The following ZNF69 variants were observed in gnomAD, a reference collection of about 807,000 sequenced individuals.
ZNF69 encodes ZNF3.
Under a neutral mutation model 50.9 loss-of-function variants are expected in ZNF69, and 47 were observed. The observed-to-expected ratio is 0.92, with a 90% CI of 0.73 to 1.18. The LOEUF (loss-of-function observed/expected upper bound fraction) is 1.18. ZNF69 is among the 50% of genes most tolerant of loss of function. The pLI is 0.00. For missense variants in ZNF69, 717 were observed against 675.1 expected, an observed-to-expected ratio of 1.06 and a Z score of -0.69; for synonymous variants, 216 against 223.1, an observed-to-expected ratio of 0.97 and a Z score of 0.29.
intron 1 of ZNF69, among the ~76,000 whole-genome samples, chr19:11,894,301 CT>C (rs1451690074): frequency 7.9e-5 from 12 of 152,154 alleles, no homozygotes. Flanking sequence ...TCCTGAGTAG[CT>C]GGGACTACAG....
At chr19:11,973,199 C>CTT in the ZNF69 span, among the ~76,000 whole-genome samples, 4 of 152,156 alleles carry the variant, frequency 2.6e-5, no homozygotes, top group African/African-American at 9.7e-5. Flanking sequence ...TCCCCTCCCT[C>CTT]TTTTGCCACC....
chr19:11,905,461 C>G lies in ZNF69; in HGVS notation c.1064C>G (p.Ser355Cys), dbSNP rs1972349164. ...TTTCAAACACACATAAGAATGCACT[C>G]TGGAGAAAGACCTTATGAATGTAAG... ...TSFQTHIRMH[S>C]GERPYECKIC... is the part of the protein sequence containing the mutation. The change falls in exon 4 of 4, where the codon TCT becomes TGT. Residue 355 changes from serine (S) to cysteine (C), a missense_variant. Ser to Cys is a moderately radical substitution (Grantham distance 112, BLOSUM62 -1). Transcript: ENST00000429654. The G allele has an allele frequency of 6.2e-7, 1 of 1,614,084 alleles. No individual in the cohort carries two copies. The highest frequency in any genetic ancestry group is 1.1e-5 in the South Asian group (1 of 91,090).
chr19:11,918,694 AT>A (rs1441638211), downstream of ZNF69, among the ~76,000 whole-genome samples: 1 of 152,006 alleles, frequency 6.6e-6, no homozygotes, highest in African/African-American at 2.4e-5. Context: ...GGCTCAATCA[AT>A]CCTCTTGCCT....
rs1195407417 is a variant in ZNF69, at chr19:11,887,914, C to T, written c.-10C>T. 1.2e-6 allele frequency: 2 copies of T among 1,610,742 alleles called. No individual in the cohort carries two copies. The highest frequency in any genetic ancestry group is 2.2e-5 in the East Asian group (1 of 44,646). On this transcript the variant is annotated 5_prime_UTR_variant, in exon 1 of 4. Transcript: ENST00000429654. ...TCTGCCCAGGCTTCTGTCACTCTGT[C>T]ACCTACGCTATGCCCTGCTGTAGTC... is the stretch of plus-strand genomic sequence containing the variant.
chr19:11,976,808 C>A, the ZNF69 span: 1 of 1,248,612 alleles, frequency 8.0e-7, no homozygotes, highest in Non-Finnish European at 1.0e-6. Flanking sequence ...GAGCCAAGAT[C>A]GCATCATTAT....
At position 11,905,412 on chromosome 19, in the gene ZNF69, A is replaced by G; in HGVS notation, c.1015A>G (p.Lys339Glu). 6.2e-7 allele frequency: 1 copy of G among 1,614,226 alleles called. No homozygotes were observed. Among genetic ancestry groups the G allele is most frequent in the South Asian group, 1.1e-5 (1 of 91,082 alleles). The change falls in exon 4 of 4, where the codon AAA (lysine) becomes GAA (glutamate). Residue 339 changes from lysine to glutamate, a missense_variant. Transcript: ENST00000429654. ...KKPYECTQCGKALSSLTSFQT... is the reference protein window; with the variant it reads ...KKPYECTQCGEALSSLTSFQT... ...ACCCTATGAATGTACGCAGTGTGGG[A>G]AAGCATTATCCTCTCTTACAAGTTT...
chr19:11,901,236 G>T (rs1028739707), intron 1 of ZNF69, among the ~76,000 whole-genome samples: 30 of 152,098 alleles, frequency 2.0e-4, no homozygotes, highest in Non-Finnish European at 3.4e-4. Context: ...TGCCTCTCTT[G>T]TCATCTTATG....
At chr19:11,937,920 A>T in the ZNF69 span, among the ~76,000 whole-genome samples, 1 of 152,314 alleles carries the variant, frequency 6.6e-6, no homozygotes, top group South Asian at 2.1e-4. Flanking sequence ...TTTGAATTGC[A>T]GATGTGTGAG....
chr19:11,967,798 G>A, the ZNF69 span, among the ~76,000 whole-genome samples: 2 of 152,212 alleles, frequency 1.3e-5, no homozygotes, highest in Non-Finnish European at 2.9e-5. Context: ...GGAACATACT[G>A]TCTAAGTTTT....
the ZNF69 span, chr19:11,965,344 C>A: frequency 2.3e-6 from 3 of 1,284,674 alleles, no homozygotes; most frequent in South Asian, 2.6e-5. Context: ...TGGAGCTGCT[C>A]GGCCCTCGGT....
the ZNF69 span, chr19:11,949,501 G>C: frequency 8.7e-6 from 14 of 1,611,572 alleles, no homozygotes; most frequent in Non-Finnish European, 1.2e-5. Context: ...TCAAATTCAT[G>C]AAAGGACAGA....
At chr19:11,971,568 A>G in the ZNF69 span, among the ~76,000 whole-genome samples, 1 of 152,216 alleles carries the variant, frequency 6.6e-6, no homozygotes, top group Non-Finnish European at 1.5e-5. Context: ...AAACTGCCTT[A>G]TAAATTTCAT....
chr19:11,899,631 A>AT (rs996709509), intron 1 of ZNF69, among the ~76,000 whole-genome samples: 19 of 147,896 alleles, frequency 1.3e-4, no homozygotes, highest in South Asian at 2.1e-4. Context: ...GAACTTATCT[A>AT]TTTTTTTTTT....
At chr19:11,979,525 C>T in the ZNF69 span, 673 of 1,602,934 alleles carry the variant, frequency 4.2e-4, 2 homozygotes, top group African/African-American at 8.3e-3. Context: ...AAAAAACTCA[C>T]ACTGCAGAGA....
At chr19:11,900,406 G>A (rs1972218906) in intron 1 of ZNF69, among the ~76,000 whole-genome samples, 1 of 151,738 alleles carries the variant, frequency 6.6e-6, no homozygotes, top group Admixed American at 6.6e-5. Flanking sequence ...AGGCTGGAGG[G>A]CAGTGGCGTG....
chr19:11,930,544 C>T, the ZNF69 span, among the ~76,000 whole-genome samples: 30 of 148,472 alleles, frequency 2.0e-4, no homozygotes, highest in Non-Finnish European at 2.5e-4. Context: ...TCACTATAAC[C>T]GGCAACTCTA....
chr19:11,979,203 A>G, the ZNF69 span: 472 of 1,611,702 alleles, frequency 2.9e-4, 3 homozygotes, highest in African/African-American at 5.8e-3. Context: ...AATGCATGCC[A>G]TGTGGTAAAG....
downstream of ZNF69, among the ~76,000 whole-genome samples, chr19:11,917,554 C>G (rs1266345928): frequency 6.6e-6 from 1 of 152,200 alleles, no homozygotes. Context: ...GGCTGCCTAC[C>G]TGAGCTGCCT....
the ZNF69 span, among the ~76,000 whole-genome samples, chr19:11,954,280 GAGGAA>G: frequency 6.6e-6 from 1 of 152,174 alleles, no homozygotes; most frequent in Non-Finnish European, 1.5e-5. Flanking sequence ...GATTCTGCAA[GAGGAA>G]AGGAAGAAGC....
Sources: allele counts gnomAD v4.1 joint callset (sites outside exome capture counted in the v4.1 genomes callset), GRCh38; gene constraint gnomAD v4.1.1; transcripts MANE v1.5; gene names NCBI Gene and HGNC (gene_info 2026-07-23, HGNC 2026-07-21).